SEPTIN7: variants seen among roughly 807,000 people sequenced by gnomAD.
SEPTIN7 encodes septin 7, also known as septin-7.
Under a neutral mutation model 63.3 loss-of-function variants are expected in SEPTIN7, and 10 were observed. That is an observed-to-expected ratio of 0.16 (90% CI 0.10 to 0.27). The LOEUF (loss-of-function observed/expected upper bound fraction) is 0.27. Among genes scored for constraint, SEPTIN7 ranks in the 10% least tolerant of loss-of-function variants. The probability of loss-of-function intolerance (pLI) is 1.00; values close to 1 mark genes in which losing one functional copy is unlikely to be tolerated. For synonymous variants in SEPTIN7, 131 were observed against 165.3 expected (o/e 0.79, Z 1.59); for missense variants, 310 against 521.0 (o/e 0.59, Z 3.94).
intron 4 of SEPTIN7, 114 bp downstream of exon 4, chr7:35,863,772 C>A: frequency 3.8e-6 from 2 of 521,724 alleles, no homozygotes; most frequent in South Asian, 6.4e-5. Flanking sequence ...TTGTCCTTAG[C>A]CAGTGTATGA....
chr7:35,881,583 G>C (rs545745829), intron 7 of SEPTIN7, among the ~76,000 whole-genome samples: 8 of 148,086 alleles, frequency 5.4e-5, no homozygotes, highest in African/African-American at 2.0e-4. Context: ...TTTTACTTCT[G>C]TTTACTTCTG....
chr7:35,850,142 T>C (rs984490367), intron 3 of SEPTIN7, among the ~76,000 whole-genome samples: 2 of 152,214 alleles, frequency 1.3e-5, no homozygotes, highest in Non-Finnish European at 2.9e-5. Context: ...TAGGATGGAA[T>C]ATGATCATCT....
chr7:35,908,743 T>C (rs990028084), downstream of SEPTIN7, among the ~76,000 whole-genome samples: 13 of 152,176 alleles, frequency 8.5e-5, no homozygotes, highest in Admixed American at 8.5e-4. Context: ...TGTCCAAGTG[T>C]GTTGCAAGGG....
At position 35,824,160 on chromosome 7, in the gene SEPTIN7, T is replaced by G. The variant is rs1201091955; in HGVS notation, c.62-7332T>G. ...CTGCTTATTTATTTCCAGTCTGCCT[T>G]CTTCCCCTATCTTTCCATTGATACA... On this transcript the variant is annotated intron_variant, in intron 1 of 13. Transcript: ENST00000350320. Among the ~76,000 whole-genome samples, 5 of 152,280 alleles carry G rather than the reference T, an allele frequency of 3.3e-5. No homozygotes were observed. The East Asian group carries it at 5.8e-4, about 18-fold the overall frequency.
chr7:35,909,259 A>G (rs1562599149), downstream of SEPTIN7, among the ~76,000 whole-genome samples: 2 of 152,214 alleles, frequency 1.3e-5, no homozygotes, highest in East Asian at 1.9e-4. Context: ...CACAAATGAA[A>G]TCTTCCTTAG....
intron 6 of SEPTIN7, 64 bp downstream of exon 6, chr7:35,873,839 A>G: frequency 6.9e-7 from 1 of 1,454,696 alleles, no homozygotes; most frequent in East Asian, 2.3e-5. Flanking sequence ...CTTTATGTGC[A>G]TACTTTAGTA....
chr7:35,872,793 T>G, intron 5 of SEPTIN7, 27 bp downstream of exon 5: 1 of 1,489,442 alleles, frequency 6.7e-7, no homozygotes, highest in South Asian at 1.1e-5. Flanking sequence ...CTCACAACTT[T>G]GCAGTGCATT....
chr7:35,913,689 C>T, the SEPTIN7 span, among the ~76,000 whole-genome samples: 29 of 152,174 alleles, frequency 1.9e-4, no homozygotes, highest in African/African-American at 7.0e-4. Context: ...CTCTTCAGCT[C>T]AAGCGATCCT....
intron 12 of SEPTIN7, chr7:35,899,226 T>A (rs546892097): frequency 3.6e-4 from 55 of 152,302 alleles, no homozygotes; most frequent in African/African-American, 1.2e-3. Context: ...TTCACATAAA[T>A]TTGTTATAAT....
At chr7:35,868,068 C>T (rs371452477) in intron 4 of SEPTIN7, among the ~76,000 whole-genome samples, 24 of 151,992 alleles carry the variant, frequency 1.6e-4, no homozygotes, top group Admixed American at 1.2e-3. Context: ...TGGGGTTTCA[C>T]CATGTTGGCC....
At chr7:35,823,132 T>C (rs553901437) in intron 1 of SEPTIN7, among the ~76,000 whole-genome samples, 6 of 152,220 alleles carry the variant, frequency 3.9e-5, no homozygotes, top group Non-Finnish European at 1.5e-5. Context: ...CCTGTGGGGC[T>C]ATCATCTGCA....
chr7:35,809,754 G>A (rs1444490893), intron 1 of SEPTIN7, among the ~76,000 whole-genome samples: 1 of 152,192 alleles, frequency 6.6e-6, no homozygotes, highest in Non-Finnish European at 1.5e-5. Flanking sequence ...GTATTGCTGT[G>A]CTGAGAATTT....
intron 1 of SEPTIN7, among the ~76,000 whole-genome samples, chr7:35,817,512 G>A (rs1195307240): frequency 6.6e-6 from 1 of 151,958 alleles, no homozygotes; most frequent in Non-Finnish European, 1.5e-5. Flanking sequence ...AATTGTTTTG[G>A]TTATTCTGGT....
chr7:35,899,789 C>T (rs1215735634), intron 12 of SEPTIN7: 1 of 152,170 alleles, frequency 6.6e-6, no homozygotes, highest in Admixed American at 6.5e-5. Context: ...GAGGCTGAGA[C>T]AGGAAGATTA....
At chr7:35,911,489 A>G (rs1321278903), downstream of SEPTIN7, among the ~76,000 whole-genome samples, 1 of 152,230 alleles carries the variant, frequency 6.6e-6, no homozygotes, top group Non-Finnish European at 1.5e-5. Context: ...ATTGCAGAAC[A>G]TGCAGAGATG....
downstream of SEPTIN7, among the ~76,000 whole-genome samples, chr7:35,911,290 A>G (rs1477912207): frequency 6.6e-6 from 1 of 152,262 alleles, no homozygotes; most frequent in Non-Finnish European, 1.5e-5. Context: ...GGGCATATTT[A>G]TCAATCTTGG....
At chr7:35,884,599 A>G (rs955958218) in intron 9 of SEPTIN7, among the ~76,000 whole-genome samples, 1 of 152,108 alleles carries the variant, frequency 6.6e-6, no homozygotes, top group Non-Finnish European at 1.5e-5. Flanking sequence ...ATTTGGAGAG[A>G]AGGCCAGTCA....
chr7:35,889,334 A>G (rs1787492774), intron 10 of SEPTIN7, among the ~76,000 whole-genome samples: 1 of 152,224 alleles, frequency 6.6e-6, no homozygotes, highest in Admixed American at 6.5e-5. Context: ...ATTGAGGGAC[A>G]GAGTCTGGGA....
chr7:35,883,825 T>C, intron 8 of SEPTIN7, 66 bp from the exon 9 acceptor site: 1 of 961,186 alleles, frequency 1.0e-6, no homozygotes, highest in Non-Finnish European at 1.5e-6. Context: ...GTAATGTAAC[T>C]TTTTTTATTT....
Sources: gnomAD v4.1 joint callset for allele counts (sites outside exome capture counted in the v4.1 genomes callset) on GRCh38, gnomAD v4.1.1 for gene constraint, MANE v1.5 for transcripts, NCBI Gene and HGNC (gene_info 2026-07-23, HGNC 2026-07-21) for gene names.